The following LTBP1 variants were observed in gnomAD, a reference collection of about 807,000 sequenced individuals.
LTBP1 encodes latent transforming growth factor beta binding protein 1, also known as latent-transforming growth factor beta-binding protein 1.
LTBP1 carries 129 observed loss-of-function variants against 207.6 expected under a neutral mutation model. The observed-to-expected ratio is 0.62, with a 90% CI of 0.54 to 0.72. The LOEUF (loss-of-function observed/expected upper bound fraction) is 0.72, where lower values mean the gene tolerates loss of function less well. Among genes scored for constraint, LTBP1 ranks in the 30% least tolerant of loss-of-function variants. The pLI, the probability that LTBP1 is intolerant of heterozygous loss-of-function variation, is 0.00. For synonymous variants in LTBP1, 963 were observed against 833.7 expected (o/e 1.16, Z -2.67); for missense variants, 2,281 against 2,217.2 (o/e 1.03, Z -0.58).
intron 3 of LTBP1, among the ~76,000 whole-genome samples, chr2:33,090,521 G>C (rs532053517): frequency 6.6e-6 from 1 of 152,144 alleles, no homozygotes; most frequent in African/African-American, 2.4e-5. Flanking sequence ...AATGCTGTTC[G>C]TGAATTACCC....
intron 24 of LTBP1, among the ~76,000 whole-genome samples, chr2:33,340,181 C>G (rs1341771159): frequency 6.6e-6 from 1 of 150,476 alleles, no homozygotes; most frequent in East Asian, 2.0e-4. Flanking sequence ...TGACGTGAAC[C>G]CAATAGGTGG....
chr2:32,976,692 C>T (rs770165066), intron 2 of LTBP1, among the ~76,000 whole-genome samples: 10 of 152,186 alleles, frequency 6.6e-5, no homozygotes, highest in Non-Finnish European at 1.2e-4. Context: ...AGTTCTGGTT[C>T]ATGAGGATCC....
chr2:33,009,022 G>C (rs1419358852), intron 2 of LTBP1, among the ~76,000 whole-genome samples: 1 of 152,232 alleles, frequency 6.6e-6, no homozygotes, highest in Non-Finnish European at 1.5e-5. Flanking sequence ...AGGTTTGCAG[G>C]CTGTAAAAAT....
At chr2:33,256,046 G>A (rs1408156568) in intron 11 of LTBP1, among the ~76,000 whole-genome samples, 1 of 151,632 alleles carries the variant, frequency 6.6e-6, no homozygotes. Flanking sequence ...TTATGCCGTG[G>A]AGGTTAGCAA....
chr2:33,305,976 C>G (rs1427186639), intron 22 of LTBP1, among the ~76,000 whole-genome samples: 2 of 152,198 alleles, frequency 1.3e-5, no homozygotes, highest in Non-Finnish European at 2.9e-5. Context: ...CAGTGATTCA[C>G]TGTTCCTGCC....
intron 26 of LTBP1, among the ~76,000 whole-genome samples, chr2:33,349,028 A>T (rs771782246): frequency 4.6e-5 from 7 of 152,214 alleles, no homozygotes; most frequent in Non-Finnish European, 7.3e-5. Flanking sequence ...TTAGCCATAA[A>T]CTTCAGCAGA....
chr2:33,389,449 A>G, intron 32 of LTBP1, 143 bp downstream of exon 32: 1 of 1,114,500 alleles, frequency 9.0e-7, no homozygotes. Context: ...CTAGGGTGGG[A>G]CCCAGCCATC....
At chr2:33,389,463 G>A (rs1044190691) in intron 32 of LTBP1, among the ~76,000 whole-genome samples, 157 bp downstream of exon 32, 3 of 152,034 alleles carry the variant, frequency 2.0e-5, no homozygotes, top group South Asian at 2.1e-4. Flanking sequence ...AGCCATCTTT[G>A]TTTCACAAGG....
Position 33,134,786 on chromosome 2 carries a change from C to G in LTBP1, c.1034-7C>G. On this transcript the variant is annotated splice_region_variant and splice_polypyrimidine_tract_variant and intron_variant, in intron 4 of 33. Coordinates refer to ENST00000404816, the MANE Select transcript of LTBP1 (RefSeq NM_206943.4). This position sits in a 1 kb window ranked among gnomAD's most constrained non-coding sequence, Gnocchi z 4.4. ...GTTGTTCTTTTTCTCCCTGCCTCCG[C>G]TCCTAGTGAGTAACCACACTGGCCG... The G allele has an allele frequency of 1.9e-6, 3 of 1,614,144 alleles. No homozygotes were observed. The highest frequency in any genetic ancestry group is 1.7e-6 in the Non-Finnish European group (2 of 1,180,026).
chr2:33,210,594 T>C (rs2090239233), intron 7 of LTBP1, among the ~76,000 whole-genome samples: 1 of 152,244 alleles, frequency 6.6e-6, no homozygotes, highest in East Asian at 1.9e-4. Context: ...ATGCTTCTTT[T>C]CCCCTGTTTC....
intron 2 of LTBP1, among the ~76,000 whole-genome samples, chr2:32,964,478 A>G (rs1394544901): frequency 2.0e-5 from 3 of 152,196 alleles, no homozygotes; most frequent in Non-Finnish European, 4.4e-5. Context: ...TTTTTTCCCC[A>G]AGGGAAACTT....
intron 4 of LTBP1, among the ~76,000 whole-genome samples, chr2:33,133,595 T>G (rs1193543821): frequency 6.6e-6 from 1 of 152,136 alleles, no homozygotes; most frequent in Non-Finnish European, 1.5e-5. Flanking sequence ...GAAGGGCAGG[T>G]CTGGGTGAAG....
At chr2:33,263,425 T>A in intron 15 of LTBP1, 33 bp downstream of exon 15, 1 of 1,492,316 alleles carries the variant, frequency 6.7e-7, no homozygotes, top group Non-Finnish European at 9.3e-7. Flanking sequence ...ATATATCACA[T>A]GGAGGAGACG....
intron 19 of LTBP1, among the ~76,000 whole-genome samples, chr2:33,289,877 C>T (rs1286511716): frequency 2.0e-5 from 3 of 152,096 alleles, no homozygotes; most frequent in Non-Finnish European, 4.4e-5. Flanking sequence ...AAAAGGCAAC[C>T]ATGGGGTGGA....
At chr2:33,118,967 A>G (rs974645265) in intron 4 of LTBP1, among the ~76,000 whole-genome samples, 5 of 152,222 alleles carry the variant, frequency 3.3e-5, no homozygotes, top group African/African-American at 1.2e-4. Context: ...GAAAACAGCA[A>G]AGAAGAAAAA....
chr2:33,344,663 A>G (rs955106459), intron 25 of LTBP1, among the ~76,000 whole-genome samples: 9 of 152,270 alleles, frequency 5.9e-5, no homozygotes, highest in African/African-American at 2.2e-4. Context: ...AGCAAATTCT[A>G]TTATAGCACT....
At chr2:33,104,791 C>T (rs2079959750) in intron 3 of LTBP1, among the ~76,000 whole-genome samples, 1 of 152,030 alleles carries the variant, frequency 6.6e-6, no homozygotes, top group Non-Finnish European at 1.5e-5. Flanking sequence ...CTTAGAGATC[C>T]ACCCTGCATT....
intron 4 of LTBP1, among the ~76,000 whole-genome samples, chr2:33,132,480 G>A (rs1572779631): frequency 6.6e-6 from 1 of 152,354 alleles, no homozygotes; most frequent in Non-Finnish European, 1.5e-5. Context: ...TTCCAGCTAA[G>A]CGGGTCCACA....
intron 3 of LTBP1, among the ~76,000 whole-genome samples, chr2:33,021,800 T>C (rs1299590775): frequency 6.6e-6 from 1 of 152,162 alleles, no homozygotes; most frequent in Non-Finnish European, 1.5e-5. Flanking sequence ...GTTTTTTTTT[T>C]CTTAGTGTTA....
Sources: allele counts gnomAD v4.1 joint callset (sites outside exome capture counted in the v4.1 genomes callset), GRCh38; gene constraint gnomAD v4.1.1; non-coding constraint Gnocchi (gnomAD v3.1); transcripts MANE v1.5; gene names NCBI Gene and HGNC (gene_info 2026-07-23, HGNC 2026-07-21).